EBF2: variants seen among roughly 807,000 people sequenced by gnomAD.
EBF2 encodes EBF transcription factor 2, also known as transcription factor COE2.
In EBF2, 21 loss-of-function variants were observed where a neutral mutation model predicts 72.8. The observed-to-expected ratio is 0.29, with a 90% CI of 0.20 to 0.42. The LOEUF (loss-of-function observed/expected upper bound fraction) is 0.42. Ranked by LOEUF, EBF2 falls within the 10% of genes least tolerant of loss-of-function variation. The pLI is 1.00. For synonymous variants in EBF2, 299 were observed against 274.2 expected (o/e 1.09, Z -0.89); for missense variants, 637 against 731.2 (o/e 0.87, Z 1.49).
chr8:25,881,521 G>C (rs567119629), intron 10 of EBF2, among the ~76,000 whole-genome samples: 1 of 152,196 alleles, frequency 6.6e-6, no homozygotes, highest in Non-Finnish European at 1.5e-5. Context: ...ATACTGATAA[G>C]GCTAATGGTA....
chr8:25,907,048 C>G (rs1020072685), intron 7 of EBF2, among the ~76,000 whole-genome samples: 1 of 151,930 alleles, frequency 6.6e-6, no homozygotes, highest in Non-Finnish European at 1.5e-5. Context: ...TGTGGCCTAA[C>G]CACAGAAGCT....
At chr8:26,004,875 C>A (rs193178613) in intron 6 of EBF2, among the ~76,000 whole-genome samples, 7 of 151,962 alleles carry the variant, frequency 4.6e-5, no homozygotes, top group Admixed American at 4.6e-4. Context: ...ATAGCTCAAA[C>A]TGAGCCCCAC....
intron 6 of EBF2, among the ~76,000 whole-genome samples, chr8:25,934,271 AC>A (rs1803537896): frequency 1.5e-5 from 2 of 137,724 alleles, no homozygotes; most frequent in South Asian, 4.6e-4. Context: ...ACACACACAC[AC>A]ACACCAATCT....
intron 6 of EBF2, among the ~76,000 whole-genome samples, chr8:26,026,927 C>T (rs1423480175): frequency 6.6e-6 from 1 of 152,190 alleles, no homozygotes; most frequent in East Asian, 1.9e-4. Context: ...GATGATTTTA[C>T]TAGCACAAAT....
chr8:25,965,080 T>C (rs1804093201), intron 6 of EBF2, among the ~76,000 whole-genome samples: 1 of 152,200 alleles, frequency 6.6e-6, no homozygotes. Context: ...TTATTTGGTA[T>C]TAAAACATAT....
At chr8:26,021,109 G>A (rs1157536101) in intron 6 of EBF2, among the ~76,000 whole-genome samples, 1 of 152,134 alleles carries the variant, frequency 6.6e-6, no homozygotes, top group African/African-American at 2.4e-5. Context: ...GCTGGACAGT[G>A]GACACTAAGC....
At chr8:25,936,945 T>G (rs1465045786) in intron 6 of EBF2, among the ~76,000 whole-genome samples, 1 of 147,906 alleles carries the variant, frequency 6.8e-6, no homozygotes, top group Admixed American at 6.7e-5. Context: ...CTCCACTTAA[T>G]TCCTATTAAA....
chr8:25,930,023 A>T (rs927695458), intron 6 of EBF2, among the ~76,000 whole-genome samples: 1 of 152,246 alleles, frequency 6.6e-6, no homozygotes, highest in Non-Finnish European at 1.5e-5. Flanking sequence ...TTCTATAATT[A>T]CTTCAATGTT....
chr8:25,997,334 G>A (rs745840241), intron 6 of EBF2, among the ~76,000 whole-genome samples: 6 of 152,172 alleles, frequency 3.9e-5, no homozygotes, highest in Non-Finnish European at 8.8e-5. Context: ...ACTTTGGGAG[G>A]CCAAGGCAGG....
intron 6 of EBF2, among the ~76,000 whole-genome samples, chr8:25,908,859 A>T (rs574664946): frequency 9.9e-5 from 15 of 151,610 alleles, no homozygotes; most frequent in South Asian, 2.1e-4. Flanking sequence ...AAATTTTTTT[A>T]AAAAGGCTTC....
chr8:26,035,277 T>A (rs1196242156), intron 5 of EBF2, among the ~76,000 whole-genome samples: 1 of 152,114 alleles, frequency 6.6e-6, no homozygotes, highest in Non-Finnish European at 1.5e-5. Flanking sequence ...CATATGTAGC[T>A]GAGACAACAG....
At chr8:25,895,402 C>A (rs7832399) in intron 7 of EBF2, among the ~76,000 whole-genome samples, 1 of 152,010 alleles carries the variant, frequency 6.6e-6, no homozygotes, top group Non-Finnish European at 1.5e-5. Context: ...ACCAACTCAA[C>A]AAACAGACCA....
intron 6 of EBF2, among the ~76,000 whole-genome samples, chr8:25,974,625 TTTAG>T (rs1300224250): frequency 2.0e-5 from 3 of 152,176 alleles, no homozygotes; most frequent in Non-Finnish European, 4.4e-5. Flanking sequence ...TAAAATATAT[TTTAG>T]TTAGTATTTT....
intron 6 of EBF2, among the ~76,000 whole-genome samples, chr8:25,964,306 C>T (rs1376441753): frequency 6.6e-6 from 1 of 152,138 alleles, no homozygotes; most frequent in Admixed American, 6.5e-5. Context: ...TCTAAACTGT[C>T]CTGGCAAATT....
At chr8:25,918,677 C>G (rs548815021) in intron 6 of EBF2, among the ~76,000 whole-genome samples, 1 of 151,986 alleles carries the variant, frequency 6.6e-6, no homozygotes, top group South Asian at 2.1e-4. Context: ...TGTTTGATGT[C>G]GCATACAAAC....
chr8:25,926,730 T>G (rs2117140630), intron 6 of EBF2, among the ~76,000 whole-genome samples: 1 of 152,338 alleles, frequency 6.6e-6, no homozygotes, highest in East Asian at 1.9e-4. Context: ...TAAGAGATTT[T>G]ACTACCATTC....
intron 6 of EBF2, among the ~76,000 whole-genome samples, chr8:25,947,600 T>C (rs916990710): frequency 2.6e-5 from 4 of 152,336 alleles, no homozygotes; most frequent in Non-Finnish European, 5.9e-5. Flanking sequence ...TAGGAGTCCC[T>C]TGATGGTCTG....
intron 6 of EBF2, among the ~76,000 whole-genome samples, chr8:25,922,248 CT>C (rs1803316085): frequency 9.9e-6 from 1 of 101,012 alleles, no homozygotes; most frequent in African/African-American, 2.6e-5. Flanking sequence ...GCTGTTTTTG[CT>C]TAAAAAAAAA....
chr8:25,968,310 A>G (rs1214957703), intron 6 of EBF2, among the ~76,000 whole-genome samples: 2 of 152,244 alleles, frequency 1.3e-5, no homozygotes, highest in Non-Finnish European at 2.9e-5. Flanking sequence ...ATGAAAGGAT[A>G]GAAAAATATG....
Sources: allele counts gnomAD v4.1 joint callset (sites outside exome capture counted in the v4.1 genomes callset), GRCh38; gene constraint gnomAD v4.1.1; transcripts MANE v1.5; gene names NCBI Gene and HGNC (gene_info 2026-07-23, HGNC 2026-07-21).